Variants in PTPRK observed in about 807,000 individuals in gnomAD.
The protein encoded by PTPRK is receptor-type tyrosine-protein phosphatase kappa.
Under a neutral mutation model 178.0 loss-of-function variants are expected in PTPRK, and 75 were observed. The ratio of observed to expected loss-of-function variants is 0.42; its 90% CI spans 0.35 to 0.51. PTPRK has a LOEUF of 0.51. Ranked by LOEUF, PTPRK falls within the 20% of genes least tolerant of loss-of-function variation. PTPRK has a pLI of 0.02. For synonymous variants in PTPRK, 637 were observed against 620.6 expected (o/e 1.03, Z -0.39); for missense variants, 1,441 against 1,797.8 (o/e 0.80, Z 3.59).
chr6:128,067,832 C>T (rs963653401), intron 11 of PTPRK, 40 bp from the exon 12 acceptor site: 13 of 1,493,542 alleles, frequency 8.7e-6, no homozygotes, highest in Admixed American at 6.5e-5. Context: ...TATATATACA[C>T]ACATATTTAG....
chr6:127,976,880 TA>T, intron 26 of PTPRK, 42 bp downstream of exon 26: 1 of 1,611,994 alleles, frequency 6.2e-7, no homozygotes, highest in Non-Finnish European at 8.5e-7. Context: ...ACTACTCTAT[TA>T]AGTTGTATAT....
chr6:128,189,511 T>C (rs1182181993), intron 6 of PTPRK, among the ~76,000 whole-genome samples: 2 of 152,042 alleles, frequency 1.3e-5, no homozygotes, highest in African/African-American at 4.8e-5. Flanking sequence ...AATGCTGGGA[T>C]TACAGGTGTG....
At chr6:128,310,975 C>T (rs890450835) in intron 3 of PTPRK, among the ~76,000 whole-genome samples, 1 of 152,086 alleles carries the variant, frequency 6.6e-6, no homozygotes, top group African/African-American at 2.4e-5. Flanking sequence ...ATAATCTGGA[C>T]ATCCTTCAGC....
At chr6:128,178,875 G>T (rs1402738461) in intron 7 of PTPRK, among the ~76,000 whole-genome samples, 1 of 151,818 alleles carries the variant, frequency 6.6e-6, no homozygotes, top group Non-Finnish European at 1.5e-5. Flanking sequence ...TAATAACAGA[G>T]CAAGATTAGT....
At chr6:128,090,070 A>C in intron 7 of PTPRK, 78 bp from the exon 8 acceptor site, 1 of 1,110,630 alleles carries the variant, frequency 9.0e-7, no homozygotes, top group Non-Finnish European at 1.3e-6. Context: ...ACCAAGTATA[A>C]TATAGCATAT....
chr6:128,483,400 A>T (rs1852359489), intron 1 of PTPRK, among the ~76,000 whole-genome samples: 1 of 152,258 alleles, frequency 6.6e-6, no homozygotes, highest in East Asian at 1.9e-4. Flanking sequence ...AAAAGCAAAA[A>T]GCAGCATGTT....
intron 10 of PTPRK, among the ~76,000 whole-genome samples, chr6:128,081,078 T>G (rs920825084): frequency 1.3e-5 from 2 of 152,012 alleles, no homozygotes; most frequent in Non-Finnish European, 2.9e-5. Context: ...TGTTCTCAGT[T>G]TTGTTAGTTT....
At chr6:128,400,797 T>A (rs1349398640) in intron 1 of PTPRK, among the ~76,000 whole-genome samples, 1 of 152,132 alleles carries the variant, frequency 6.6e-6, no homozygotes, top group Non-Finnish European at 1.5e-5. Context: ...ATAAATCTAT[T>A]TAAAAAGAGA....
rs187222260 is a variant in PTPRK at position 128,289,135 on chromosome 6, G to T, written c.495+32904C>A. Among the ~76,000 whole-genome samples the T allele has an allele frequency of 3.1e-4, 47 of 152,114 alleles. 1 individual carries two copies. In the East Asian group the frequency reaches 8.3e-3, roughly 27 times the overall value. Reference sequence around the variant, plus strand: ...ATTTCTAAGTTCTACTAAAGATATGGAAAGTCATCATTTCTGAGTGGTAGG... The same window carrying T: ...ATTTCTAAGTTCTACTAAAGATATGTAAAGTCATCATTTCTGAGTGGTAGG... On this transcript the variant is annotated intron_variant, in intron 3 of 29. Coordinates refer to ENST00000368226, the MANE Select transcript of PTPRK (RefSeq NM_002844.4).
intron 3 of PTPRK, among the ~76,000 whole-genome samples, chr6:128,272,559 G>C (rs533720895): frequency 6.6e-6 from 1 of 152,318 alleles, no homozygotes; most frequent in South Asian, 2.1e-4. Flanking sequence ...GATATGAACA[G>C]ATGCTTCTCA....
chr6:128,304,763 T>C (rs1178067015), intron 3 of PTPRK, among the ~76,000 whole-genome samples: 2 of 152,236 alleles, frequency 1.3e-5, no homozygotes, highest in Non-Finnish European at 2.9e-5. Flanking sequence ...AAGGAGTTCA[T>C]TTTCACATAC....
intron 3 of PTPRK, among the ~76,000 whole-genome samples, chr6:128,294,903 C>T (rs182222540): frequency 5.8e-4 from 88 of 150,726 alleles, no homozygotes; most frequent in Non-Finnish European, 7.4e-5. Flanking sequence ...GAACAGAGGG[C>T]TGACCAACTC....
intron 6 of PTPRK, among the ~76,000 whole-genome samples, chr6:128,201,676 T>C (rs544316961): frequency 4.3e-4 from 66 of 152,146 alleles, no homozygotes; most frequent in Non-Finnish European, 6.9e-4. Context: ...CTGGGAAACA[T>C]AGTGAGACCC....
At chr6:128,176,607 G>T (rs1801116284) in intron 7 of PTPRK, among the ~76,000 whole-genome samples, 1 of 151,706 alleles carries the variant, frequency 6.6e-6, no homozygotes, top group Non-Finnish European at 1.5e-5. Flanking sequence ...AAGAAGACTT[G>T]GGATTAGAAT....
chr6:128,471,997 G>C (rs1850736324), intron 1 of PTPRK, among the ~76,000 whole-genome samples: 1 of 152,014 alleles, frequency 6.6e-6, no homozygotes, highest in Non-Finnish European at 1.5e-5. Flanking sequence ...ACAAAAGAGA[G>C]AGAGAGAGGA....
chr6:128,006,041 G>A lies in PTPRK; in HGVS notation c.2334-797C>T, dbSNP rs756160370. ...TTCTACTTACAGGTAGTAGGAGTAA[G>A]AATAGTAGCTCCTCCTGGCAAGCAA... On this transcript the variant is annotated intron_variant, in intron 14 of 29. Transcript: ENST00000368226. The A allele has an allele frequency of 1.0e-5, 16 of 1,571,420 alleles. No homozygotes were observed. In the Admixed American group the frequency reaches 2.3e-4, roughly 22 times the overall value.
At chr6:128,422,825 T>A (rs1402462757) in intron 1 of PTPRK, among the ~76,000 whole-genome samples, 2 of 152,128 alleles carry the variant, frequency 1.3e-5, no homozygotes, top group East Asian at 3.9e-4. Flanking sequence ...TCAAAATGAC[T>A]CCTCTTCATT....
chr6:128,083,431 AC>A (rs1375275706), intron 9 of PTPRK, among the ~76,000 whole-genome samples: 1 of 152,078 alleles, frequency 6.6e-6, no homozygotes, highest in Non-Finnish European at 1.5e-5. Flanking sequence ...TATTACTATA[AC>A]CATCGTAAAT....
At chr6:128,155,422 T>TAA (rs1402433626) in intron 7 of PTPRK, among the ~76,000 whole-genome samples, 13 of 151,722 alleles carry the variant, frequency 8.6e-5, no homozygotes, top group Non-Finnish European at 1.9e-4. Flanking sequence ...GCTTCACTCT[T>TAA]CAGCTATTTA....
Sources: gnomAD v4.1 joint callset for allele counts (sites outside exome capture counted in the v4.1 genomes callset) on GRCh38, gnomAD v4.1.1 for gene constraint, MANE v1.5 for transcripts, NCBI Gene and HGNC (gene_info 2026-07-23, HGNC 2026-07-21) for gene names.